FOXN3: variants seen among roughly 807,000 people sequenced by gnomAD.
FOXN3 encodes the protein forkhead box protein N3.
FOXN3 carries 7 observed loss-of-function variants against 38.4 expected under a neutral mutation model. The ratio of observed to expected loss-of-function variants is 0.18; its 90% CI spans 0.10 to 0.34. The LOEUF (loss-of-function observed/expected upper bound fraction) is 0.34. Among genes scored for constraint, FOXN3 ranks in the 10% least tolerant of loss-of-function variants. The pLI is 1.00. For synonymous variants in FOXN3, 230 were observed against 242.2 expected (o/e 0.95, Z 0.47); for missense variants, 456 against 613.4 (o/e 0.74, Z 2.71).
At chr14:89,281,949 A>C (rs1482027332) in intron 3 of FOXN3, among the ~76,000 whole-genome samples, 1 of 152,196 alleles carries the variant, frequency 6.6e-6, no homozygotes, top group East Asian at 1.9e-4. Flanking sequence ...CGAGTAATGC[A>C]TTTGTAAGTT....
intron 2 of FOXN3, among the ~76,000 whole-genome samples, chr14:89,363,211 C>A (rs1889946561): frequency 6.6e-6 from 1 of 152,116 alleles, no homozygotes; most frequent in Non-Finnish European, 1.5e-5. Flanking sequence ...CCTGGGCTAT[C>A]CCCACAGTAA....
chr14:89,530,174 G>A (rs1438287036), intron 1 of FOXN3, among the ~76,000 whole-genome samples: 7 of 152,050 alleles, frequency 4.6e-5, no homozygotes, highest in Non-Finnish European at 8.8e-5. Context: ...TCCTGACCTC[G>A]TGATCCGCCT....
At chr14:89,248,680 A>G (rs1184563803) in intron 4 of FOXN3, among the ~76,000 whole-genome samples, 1 of 152,256 alleles carries the variant, frequency 6.6e-6, no homozygotes, top group Non-Finnish European at 1.5e-5. Flanking sequence ...CTGAGGCATG[A>G]AATCGACTTT....
intron 1 of FOXN3, among the ~76,000 whole-genome samples, chr14:89,567,879 C>G (rs576363749): frequency 6.6e-6 from 1 of 151,950 alleles, no homozygotes; most frequent in African/African-American, 2.4e-5. Context: ...CCCGCCACTA[C>G]GCCTGGCTAA....
rs191115305 is a variant in FOXN3, at chr14:89,174,727, C to T, written c.851+5974G>A. On this transcript the variant is annotated intron_variant, in intron 5 of 5. Transcript: ENST00000557258. ...CCAGAAGGGCCCAAAACAAAAACTA[C>T]GCTCGCTGAAATGGGCCCAGGAGGG... is the stretch of plus-strand genomic sequence containing the variant. Among the ~76,000 whole-genome samples the T allele has an allele frequency of 1.0e-3, 152 of 152,302 alleles. 2 individuals carry two copies. The highest frequency in any genetic ancestry group is 3.2e-3 in the African/African-American group (135 of 41,560).
At chr14:89,352,174 C>T (rs1366633087) in intron 2 of FOXN3, among the ~76,000 whole-genome samples, 4 of 152,224 alleles carry the variant, frequency 2.6e-5, no homozygotes, top group African/African-American at 7.2e-5. Context: ...TGGCTGGACA[C>T]TCTATGCTTA....
intron 1 of FOXN3, among the ~76,000 whole-genome samples, chr14:89,439,015 C>T (rs939715690): frequency 2.6e-5 from 4 of 152,128 alleles, no homozygotes; most frequent in African/African-American, 9.7e-5. Flanking sequence ...ACCTCGGCCT[C>T]CCAAAGTGCT....
intron 4 of FOXN3, among the ~76,000 whole-genome samples, chr14:89,229,395 G>A (rs889505743): frequency 1.2e-4 from 18 of 152,092 alleles, no homozygotes; most frequent in Non-Finnish European, 2.5e-4. Flanking sequence ...CTCTGACCAC[G>A]GGATTAAAGT....
chr14:89,562,458 CCATGTTGGCCAGG>C (rs1895270201), intron 1 of FOXN3, among the ~76,000 whole-genome samples: 1 of 152,098 alleles, frequency 6.6e-6, no homozygotes, highest in Non-Finnish European at 1.5e-5. Context: ...CGGGGTTTCA[CCATGTTGGCCAGG>C]CTGGTCTTGA....
chr14:89,425,959 A>G (rs1008164963), intron 1 of FOXN3, among the ~76,000 whole-genome samples: 2 of 152,172 alleles, frequency 1.3e-5, no homozygotes, highest in Non-Finnish European at 2.9e-5. Context: ...TACACATTTT[A>G]TCCATAAGGC....
At chr14:89,308,796 G>A (rs1017343963) in intron 3 of FOXN3, among the ~76,000 whole-genome samples, 1 of 152,228 alleles carries the variant, frequency 6.6e-6, no homozygotes, top group Non-Finnish European at 1.5e-5. Flanking sequence ...AAGCAGCTGT[G>A]GCCTGAGCAG....
intron 1 of FOXN3, among the ~76,000 whole-genome samples, chr14:89,433,469 G>A (rs143286091): frequency 1.1e-3 from 169 of 152,082 alleles, no homozygotes; most frequent in African/African-American, 3.6e-3. Context: ...GCGACTAAGC[G>A]AGACTCCATC....
intron 2 of FOXN3, among the ~76,000 whole-genome samples, chr14:89,406,448 T>C (rs1278143681): frequency 6.6e-6 from 1 of 151,950 alleles, no homozygotes; most frequent in Non-Finnish European, 1.5e-5. Context: ...TTTTAAAAAG[T>C]TGGAAGGAAT....
At chr14:89,431,489 G>T (rs1039058435) in intron 1 of FOXN3, among the ~76,000 whole-genome samples, 3 of 152,112 alleles carry the variant, frequency 2.0e-5, no homozygotes, top group African/African-American at 7.2e-5. Flanking sequence ...GGGATTACAG[G>T]CATGGGCCAC....
intron 1 of FOXN3, among the ~76,000 whole-genome samples, chr14:89,558,822 C>A (rs953844101): frequency 2.0e-5 from 3 of 152,032 alleles, no homozygotes; most frequent in Admixed American, 2.0e-4. Flanking sequence ...GCTGGAAGGT[C>A]GGGGCGACAG....
intron 1 of FOXN3, among the ~76,000 whole-genome samples, chr14:89,501,659 C>G (rs1409971719): frequency 6.6e-6 from 1 of 152,150 alleles, no homozygotes; most frequent in Non-Finnish European, 1.5e-5. Context: ...CTGCATAAAG[C>G]TCAGGGGTTC....
At chr14:89,524,345 A>G in intron 1 of FOXN3, among the ~76,000 whole-genome samples, 1 of 120,438 alleles carries the variant, frequency 8.3e-6, no homozygotes, top group Admixed American at 1.1e-4. Context: ...ACTGCACTCC[A>G]GCCTGGCGAC....
intron 4 of FOXN3, among the ~76,000 whole-genome samples, chr14:89,209,318 G>C (rs7157969): frequency 0.52 from 79,192 of 152,026 alleles, 22,271 homozygotes; most frequent in African/African-American, 0.75. Context: ...TCCCCAATAG[G>C]TATTCAATAA....
At chr14:89,206,767 T>A (rs1211012890) in intron 4 of FOXN3, among the ~76,000 whole-genome samples, 2 of 152,242 alleles carry the variant, frequency 1.3e-5, no homozygotes, top group African/African-American at 2.4e-5. Context: ...ACTGCCATCA[T>A]GCCTGCGGTT....
Sources: allele counts gnomAD v4.1 joint callset (sites outside exome capture counted in the v4.1 genomes callset), GRCh38; gene constraint gnomAD v4.1.1; transcripts MANE v1.5; gene names NCBI Gene and HGNC (gene_info 2026-07-23, HGNC 2026-07-21).